SSPN: variants seen among roughly 807,000 people sequenced by gnomAD.
SSPN encodes K-ras oncogene-associated protein.
SSPN carries 15 observed loss-of-function variants against 19.1 expected under a neutral mutation model. The observed-to-expected ratio is 0.78, with a 90% CI of 0.52 to 1.21. The LOEUF is 1.21. SSPN is among the 50% of genes most tolerant of loss of function. SSPN has a pLI of 0.00. For synonymous variants in SSPN, 147 were observed against 140.3 expected (o/e 1.05, Z -0.34); for missense variants, 291 against 314.0 (o/e 0.93, Z 0.55).
At chr12:26,155,973 G>C (rs374487600) in intron 1 of SSPN, among the ~76,000 whole-genome samples, 4 of 152,104 alleles carry the variant, frequency 2.6e-5, no homozygotes, top group African/African-American at 7.2e-5. Flanking sequence ...CTTGCTCAAA[G>C]GGCTGAGAAA....
chr12:26,130,439 TA>T (rs545324422), intron 1 of SSPN, among the ~76,000 whole-genome samples: 1 of 152,204 alleles, frequency 6.6e-6, no homozygotes, highest in Non-Finnish European at 1.5e-5. Flanking sequence ...ACTCCTACTT[TA>T]AAAAAACAAC....
At chr12:26,152,794 C>A (rs1944533182) in intron 1 of SSPN, among the ~76,000 whole-genome samples, 1 of 152,184 alleles carries the variant, frequency 6.6e-6, no homozygotes, top group Non-Finnish European at 1.5e-5. Context: ...CAACGTCTTC[C>A]TGTTGTTCCT....
chr12:26,227,538 A>G (rs1358147997), intron 2 of SSPN, among the ~76,000 whole-genome samples: 1 of 152,238 alleles, frequency 6.6e-6, no homozygotes, highest in African/African-American at 2.4e-5. Context: ...CTACAAGCCA[A>G]GAATGCATTG....
intron 1 of SSPN, among the ~76,000 whole-genome samples, chr12:26,206,223 C>T (rs1944930220): frequency 6.6e-6 from 1 of 152,108 alleles, no homozygotes; most frequent in Admixed American, 6.6e-5. Flanking sequence ...CTGCAGGCTG[C>T]TTGGGGACAC....
At chr12:26,183,373 C>T (rs987803811) in intron 1 of SSPN, among the ~76,000 whole-genome samples, 1 of 152,200 alleles carries the variant, frequency 6.6e-6, no homozygotes, top group African/African-American at 2.4e-5. Flanking sequence ...CTCAGCCTCT[C>T]AAAGTGTTAG....
chr12:26,143,397 C>T (rs762011874), intron 1 of SSPN, among the ~76,000 whole-genome samples: 8 of 152,180 alleles, frequency 5.3e-5, no homozygotes, highest in Non-Finnish European at 8.8e-5. Context: ...TAACCTATGG[C>T]TGGGCATCAT....
intron 1 of SSPN, chr12:26,124,843 G>A: frequency 1.3e-6 from 2 of 1,526,506 alleles, no homozygotes; most frequent in Admixed American, 3.3e-5. Flanking sequence ...TCTGTGGGAC[G>A]GTAGGCTTGG....
rs560998905 is a variant in SSPN at position 26,190,333 on chromosome 12, G to T, written c.-30-33960G>T. ...CAGTTAGTCTAAAGCCAGCCACCAT[G>T]TTGTGAGGATACTCAAGCAGCCCTG... On this transcript the variant is annotated intron_variant, in intron 1 of 2. Transcript: ENST00000538142. Among the ~76,000 whole-genome samples, 64 of 152,280 alleles carry T rather than the reference G, an allele frequency of 4.2e-4. No homozygotes were observed. In the East Asian group the frequency reaches 0.012, roughly 29 times the overall value.
chr12:26,224,158 C>T lies in SSPN; in HGVS notation c.280-135C>T, dbSNP rs545858840. 25 of 633,256 alleles carry T rather than the reference C, an allele frequency of 3.9e-5. No individual in the cohort carries two copies. The East Asian group carries it at 5.9e-4, about 15-fold the overall frequency. 39.2% of individuals were successfully genotyped at this position (633,256 alleles called of 1,614,324 possible). ...TTTTCCACCAGTTGAAAGAAAAACA[C>T]AGTACATAAAGATAAGTAAAAGAAA... is the stretch of plus-strand genomic sequence containing the variant. On this transcript the variant is annotated intron_variant, in intron 1 of 2. Coordinates refer to ENST00000242729, the MANE Select transcript of SSPN (RefSeq NM_005086.5).
intron 1 of SSPN, among the ~76,000 whole-genome samples, chr12:26,155,518 T>C (rs1944550799): frequency 6.6e-6 from 1 of 152,158 alleles, no homozygotes; most frequent in South Asian, 2.1e-4. Context: ...TATATTAACA[T>C]TTAAAAAAGA....
At position 26,147,090 on chromosome 12, in the gene SSPN, A is replaced by G. The variant is rs1944496451; in HGVS notation, c.-31+24938A>G. ...TCTTTTTCCAAGGATGCTCTTCAAA[A>G]CAAAAGCAAATTGGTAAATACAGGT... is the stretch of plus-strand genomic sequence containing the variant. On this transcript the variant is annotated intron_variant, in intron 1 of 2. Transcript: ENST00000538142. Among the ~76,000 whole-genome samples, 2 of 152,168 alleles carry G rather than the reference A, an allele frequency of 1.3e-5. 1 individual carries two copies. Among genetic ancestry groups the G allele is most frequent in the South Asian group, 4.1e-4 (2 of 4,832 alleles).
intron 1 of SSPN, among the ~76,000 whole-genome samples, chr12:26,199,971 C>T (rs142860892): frequency 6.6e-6 from 1 of 152,344 alleles, no homozygotes; most frequent in Non-Finnish European, 1.5e-5. Flanking sequence ...AAGTATTCCA[C>T]TTGCAGTGAT....
At chr12:26,134,307 G>A (rs1383113) in intron 1 of SSPN, among the ~76,000 whole-genome samples, 97,165 of 151,732 alleles carry the variant, frequency 0.64, 34,780 homozygotes, top group East Asian at 0.91. Context: ...CTCAACCTTC[G>A]GGTGTCATCT....
chr12:26,126,084 C>T (rs1402309827), intron 1 of SSPN: 1 of 152,250 alleles, frequency 6.6e-6, no homozygotes, highest in Non-Finnish European at 1.5e-5. Context: ...GCTGCTGCCA[C>T]ATCACTGCTC....
At position 26,227,740 on chromosome 12, in the gene SSPN, A is replaced by G. The variant is rs1945191896; in HGVS notation, c.367-2971A>G. 2.6e-5 allele frequency among the ~76,000 whole-genome samples: 4 copies of G among 152,330 alleles called. 1 individual carries two copies. In the South Asian group the frequency reaches 8.3e-4, roughly 32 times the overall value. On this transcript the variant is annotated intron_variant, in intron 2 of 2. Coordinates refer to ENST00000242729, the MANE Select transcript of SSPN (RefSeq NM_005086.5). The stretch of plus-strand genomic sequence containing the variant: ...TTTGATCCTTGTAATTATCCTGTGA[A>G]GTAGGTGCTATTATGATCATCATGC...
intron 1 of SSPN, among the ~76,000 whole-genome samples, chr12:26,201,712 G>T (rs555610819): frequency 1.5e-4 from 23 of 152,032 alleles, no homozygotes; most frequent in Admixed American, 6.5e-5. Flanking sequence ...TGAGATGTCA[G>T]TCATCATTTT....
At chr12:26,152,713 C>G (rs561508327) in intron 1 of SSPN, among the ~76,000 whole-genome samples, 1 of 152,310 alleles carries the variant, frequency 6.6e-6, no homozygotes, top group Non-Finnish European at 1.5e-5. Flanking sequence ...GTCTCATAGT[C>G]CACTCTCCAC....
chr12:26,143,320 C>T (rs534887077), intron 1 of SSPN, among the ~76,000 whole-genome samples: 4 of 152,242 alleles, frequency 2.6e-5, no homozygotes, highest in South Asian at 2.1e-4. Context: ...ATATTAATAG[C>T]GTGCTTATTA....
chr12:26,177,627 A>G (rs1431051822), intron 1 of SSPN, among the ~76,000 whole-genome samples: 1 of 152,170 alleles, frequency 6.6e-6, no homozygotes, highest in East Asian at 1.9e-4. Flanking sequence ...GAGGACCAGA[A>G]GTCTTGAGGC....
Sources: gnomAD v4.1 joint callset for allele counts (sites outside exome capture counted in the v4.1 genomes callset) on GRCh38, gnomAD v4.1.1 for gene constraint, MANE v1.5 for transcripts, NCBI Gene and HGNC (gene_info 2026-07-23, HGNC 2026-07-21) for gene names.